RIT2: variants seen among roughly 807,000 people sequenced by gnomAD.
The protein encoded by RIT2 is Ras like without CAAX 2.
A neutral mutation model predicts 23.7 loss-of-function variants in RIT2; 24 were observed. The ratio of observed to expected loss-of-function variants is 1.01; its 90% CI spans 0.73 to 1.43. RIT2 has a LOEUF of 1.43. RIT2 is among the 40% of genes most tolerant of loss of function. The pLI is 0.00. For missense variants in RIT2, 236 were observed against 266.9 expected (o/e 0.88, Z 0.81); for synonymous variants, 107 against 91.1 (o/e 1.17, Z -0.99).
At chr18:42,844,083 C>G (rs1906841721) in intron 4 of RIT2, among the ~76,000 whole-genome samples, 1 of 152,158 alleles carries the variant, frequency 6.6e-6, no homozygotes, top group Non-Finnish European at 1.5e-5. Context: ...ATGCTCAACC[C>G]CTTGTGAGAG....
At chr18:42,951,313 A>G (rs1011690958) in intron 3 of RIT2, among the ~76,000 whole-genome samples, 1 of 152,098 alleles carries the variant, frequency 6.6e-6, no homozygotes, top group East Asian at 1.9e-4. Context: ...TATCCTAAGC[A>G]AATTAACACA....
intron 1 of RIT2, among the ~76,000 whole-genome samples, chr18:43,089,494 A>T (rs1913367612): frequency 6.6e-6 from 1 of 151,986 alleles, no homozygotes; most frequent in East Asian, 1.9e-4. Flanking sequence ...TAAAATGACC[A>T]CTCTGCCCAA....
At chr18:42,955,119 T>G (rs1358311191) in intron 3 of RIT2, among the ~76,000 whole-genome samples, 1 of 152,120 alleles carries the variant, frequency 6.6e-6, no homozygotes, top group Admixed American at 6.6e-5. Flanking sequence ...AGTAATTAAA[T>G]TATCAGAAAA....
intron 2 of RIT2, among the ~76,000 whole-genome samples, chr18:43,025,686 G>A (rs1464704398): frequency 1.3e-5 from 2 of 151,994 alleles, no homozygotes; most frequent in African/African-American, 4.8e-5. Flanking sequence ...GTCTTCTGCA[G>A]CACATGGATG....
chr18:42,788,053 A>T (rs1350320163), intron 4 of RIT2, among the ~76,000 whole-genome samples: 8 of 152,022 alleles, frequency 5.3e-5, no homozygotes. Flanking sequence ...TAATTCACAT[A>T]AAATAACATT....
chr18:42,871,443 T>C (rs952855165), intron 4 of RIT2, among the ~76,000 whole-genome samples: 1 of 152,184 alleles, frequency 6.6e-6, no homozygotes, highest in African/African-American at 2.4e-5. Context: ...TTAAACACAT[T>C]TTATATTTCA....
rs138132127 is a variant in RIT2, at chr18:42,973,662, G to T, written c.234+412C>A. On this transcript the variant is annotated intron_variant, in intron 3 of 4. Coordinates refer to ENST00000326695, the MANE Select transcript of RIT2 (RefSeq NM_002930.4). ...GTAGACCATACTAAATCTTGGTTAT[G>T]TCACTTATTTCACTTATTCCATCAG... 6.2e-3 allele frequency among the ~76,000 whole-genome samples: 940 copies of T among 151,726 alleles called. 13 individuals carry two copies. Among genetic ancestry groups the T allele is most frequent in the African/African-American group, 0.022 (909 of 41,440 alleles).
intron 1 of RIT2, among the ~76,000 whole-genome samples, chr18:43,058,743 C>A (rs781551157): frequency 8.6e-5 from 13 of 151,826 alleles, no homozygotes; most frequent in Non-Finnish European, 1.2e-4. Context: ...GCAAAAATTA[C>A]CCAGGCATGG....
chr18:43,021,310 G>A (rs373891364), intron 2 of RIT2, among the ~76,000 whole-genome samples: 31 of 152,172 alleles, frequency 2.0e-4, no homozygotes, highest in Middle Eastern at 6.8e-3. Context: ...CATCAGGGAA[G>A]TGCAAATTAA....
intron 4 of RIT2, among the ~76,000 whole-genome samples, chr18:42,779,198 T>C (rs533154077): frequency 7.2e-5 from 11 of 152,324 alleles, no homozygotes; most frequent in Admixed American, 2.6e-4. Context: ...CTTAGAGGAT[T>C]TATTTTATAA....
At chr18:42,999,050 A>G (rs1259959193) in intron 2 of RIT2, among the ~76,000 whole-genome samples, 2 of 152,030 alleles carry the variant, frequency 1.3e-5, no homozygotes, top group Non-Finnish European at 2.9e-5. Context: ...CTAAAGAAGA[A>G]AATAAATGTC....
chr18:42,960,816 C>CT (rs1194948010), intron 3 of RIT2, among the ~76,000 whole-genome samples: 1 of 152,062 alleles, frequency 6.6e-6, no homozygotes, highest in Non-Finnish European at 1.5e-5. Flanking sequence ...TGTTTGTTTG[C>CT]TTTTTTATGA....
intron 1 of RIT2, among the ~76,000 whole-genome samples, chr18:43,044,511 A>G (rs962726778): frequency 5.9e-5 from 9 of 152,236 alleles, no homozygotes; most frequent in South Asian, 2.1e-4. Context: ...TCCCAGAGTC[A>G]GAATTTCTGA....
At chr18:42,760,363 A>G (rs1178765510) in intron 4 of RIT2, among the ~76,000 whole-genome samples, 1 of 152,202 alleles carries the variant, frequency 6.6e-6, no homozygotes, top group East Asian at 1.9e-4. Context: ...CAAGTTTGTT[A>G]AGAAGCAGCA....
At chr18:42,954,214 C>T (rs909448793) in intron 3 of RIT2, among the ~76,000 whole-genome samples, 15 of 151,896 alleles carry the variant, frequency 9.9e-5, no homozygotes, top group African/African-American at 3.4e-4. Context: ...CCTGTCTCTA[C>T]TAAAAATACA....
At chr18:43,003,723 C>T (rs942901727) in intron 2 of RIT2, among the ~76,000 whole-genome samples, 40 of 149,126 alleles carry the variant, frequency 2.7e-4, no homozygotes, top group Non-Finnish European at 2.8e-4. Context: ...AAATTTGGTC[C>T]TCTCCACTCT....
chr18:42,871,494 G>A (rs907879815), intron 4 of RIT2, among the ~76,000 whole-genome samples: 1 of 152,016 alleles, frequency 6.6e-6, no homozygotes, highest in Non-Finnish European at 1.5e-5. Flanking sequence ...TTATGAATAA[G>A]GTATAAAGTA....
At chr18:43,032,024 C>A (rs1421807574) in intron 2 of RIT2, among the ~76,000 whole-genome samples, 1 of 151,944 alleles carries the variant, frequency 6.6e-6, no homozygotes, top group African/African-American at 2.4e-5. Flanking sequence ...AATTGCTAAC[C>A]AATATTCCCA....
At chr18:43,096,724 T>C (rs1913562817) in intron 1 of RIT2, among the ~76,000 whole-genome samples, 1 of 151,886 alleles carries the variant, frequency 6.6e-6, no homozygotes, top group Non-Finnish European at 1.5e-5. Context: ...GGTTCACAAG[T>C]GTTTGTTTTA....
Sources: allele counts gnomAD v4.1 joint callset (sites outside exome capture counted in the v4.1 genomes callset), GRCh38; gene constraint gnomAD v4.1.1; transcripts MANE v1.5; gene names NCBI Gene and HGNC (gene_info 2026-07-23, HGNC 2026-07-21).